Variants in ZNF618 observed in about 807,000 individuals in gnomAD.
The protein encoded by ZNF618 is neural precursor cell expressed, developmentally down-regulated 10.
A neutral mutation model predicts 103.0 loss-of-function variants in ZNF618; 34 were observed. The ratio of observed to expected loss-of-function variants is 0.33; its 90% confidence interval spans 0.25 to 0.44. The LOEUF (loss-of-function observed/expected upper bound fraction) is 0.44. Ranked by LOEUF, ZNF618 falls within the 20% of genes least tolerant of loss-of-function variation. ZNF618 has a pLI of 1.00. For synonymous variants in ZNF618, 551 were observed against 542.2 expected (o/e 1.02, Z -0.23); for missense variants, 1,059 against 1,295.4 (o/e 0.82, Z 2.80).
At chr9:113,958,669 G>A (rs950517543) in intron 1 of ZNF618, among the ~76,000 whole-genome samples, 2 of 151,878 alleles carry the variant, frequency 1.3e-5, no homozygotes, top group African/African-American at 2.4e-5. Flanking sequence ...GCTGATTCCC[G>A]TAAACACTAC....
intron 1 of ZNF618, among the ~76,000 whole-genome samples, chr9:113,956,150 A>C (rs948251906): frequency 1.4e-5 from 2 of 138,118 alleles, no homozygotes; most frequent in East Asian, 4.8e-4. Context: ...CAGAGGTTGC[A>C]GTGAGCCAAA....
rs764367587 is a variant in ZNF618, at chr9:114,050,054, G to A, written c.2752G>A (p.Ala918Thr). Residue 918 changes from alanine to threonine, a missense_variant, in exon 15 of 15, where the codon GCC (alanine) becomes ACC (threonine). Coordinates refer to ENST00000374126, the MANE Select transcript of ZNF618 (RefSeq NM_001318042.2). Reference sequence around the variant, plus strand: ...GCTCCTGGCGGTTCCGGCCGTGGGCGCCAGAAGCGGGTGTGTAAATATGTG... The same window carrying A: ...GCTCCTGGCGGTTCCGGCCGTGGGCACCAGAAGCGGGTGTGTAAATATGTG... ...FWLLAVPAVGARSGCVNMCEQ... is the reference protein window; with the variant it reads ...FWLLAVPAVGTRSGCVNMCEQ... 1.5e-5 allele frequency: 24 copies of A among 1,613,514 alleles called. No individual in the cohort carries two copies. Among genetic ancestry groups the A allele is most frequent in the South Asian group, 4.4e-5 (4 of 91,090 alleles).
chr9:114,048,596 C>A, intron 14 of ZNF618, 55 bp from the exon 15 acceptor site: 1 of 1,544,966 alleles, frequency 6.5e-7, no homozygotes, highest in Non-Finnish European at 8.8e-7. Context: ...TACTGCCACT[C>A]CAAGCAGCCT....
intron 13 of ZNF618, 58 bp from the exon 14 acceptor site, chr9:114,047,835 G>T: frequency 6.9e-7 from 1 of 1,459,522 alleles, no homozygotes; most frequent in Admixed American, 2.0e-5. Flanking sequence ...TTCTCATCTC[G>T]TTCCTCAACA....
At chr9:114,024,277 T>G (rs1021331530) in intron 10 of ZNF618, among the ~76,000 whole-genome samples, 2 of 152,220 alleles carry the variant, frequency 1.3e-5, no homozygotes, top group Admixed American at 1.3e-4. Flanking sequence ...AAGTTTCATT[T>G]GGTTTCTTTT....
intron 1 of ZNF618, among the ~76,000 whole-genome samples, chr9:113,951,431 G>GTGTGTA (rs1312734469): frequency 7.0e-5 from 1 of 14,262 alleles, no homozygotes; most frequent in African/African-American, 2.3e-4. Flanking sequence ...ATGTGTGTGT[G>GTGTGTA]TATATATATA....
At position 114,047,888 on chromosome 9, in the gene ZNF618, C is replaced by A; in HGVS notation, c.1247-5C>A. The A allele has an allele frequency of 6.3e-7, 1 of 1,593,256 alleles. No individual in the cohort carries two copies. Among genetic ancestry groups the A allele is most frequent in the South Asian group, 1.1e-5 (1 of 87,028 alleles). On this transcript the variant is annotated splice_polypyrimidine_tract_variant and splice_region_variant and intron_variant, in intron 13 of 14. Coordinates refer to ENST00000374126, the MANE Select transcript of ZNF618 (RefSeq NM_001318042.2). ...GGTAACACACTGTCCCCTTTGTGCCCACAGCTGACAATGAAAACAACATTG... is the reference window on the plus strand; with the variant it reads ...GGTAACACACTGTCCCCTTTGTGCCAACAGCTGACAATGAAAACAACATTG...
At chr9:114,036,701 G>A (rs1383408586) in intron 13 of ZNF618, among the ~76,000 whole-genome samples, 1 of 152,248 alleles carries the variant, frequency 6.6e-6, no homozygotes, top group Admixed American at 6.5e-5. Flanking sequence ...GAAGCGAAAT[G>A]TGCAGGTGGA....
chr9:114,015,140 T>G (rs1405902320), intron 9 of ZNF618, among the ~76,000 whole-genome samples: 1 of 152,204 alleles, frequency 6.6e-6, no homozygotes, highest in Non-Finnish European at 1.5e-5. Flanking sequence ...TTCCAATGTT[T>G]ATGAATCAGT....
chr9:113,929,689 C>T (rs1365047311), intron 1 of ZNF618, among the ~76,000 whole-genome samples: 1 of 152,150 alleles, frequency 6.6e-6, no homozygotes, highest in African/African-American at 2.4e-5. Context: ...GCTCTCTGGG[C>T]CTCAGTTTTC....
At chr9:114,040,855 A>T (rs1416809882) in intron 13 of ZNF618, among the ~76,000 whole-genome samples, 1 of 152,254 alleles carries the variant, frequency 6.6e-6, no homozygotes, top group East Asian at 1.9e-4. Context: ...CAGTAATGGG[A>T]TGGCTGGGTC....
intron 1 of ZNF618, among the ~76,000 whole-genome samples, chr9:113,943,888 AC>A (rs537084962): frequency 8.5e-5 from 13 of 152,066 alleles, no homozygotes; most frequent in Non-Finnish European, 1.9e-4. Context: ...ACTTTGGAGA[AC>A]TTTGCTCTTC....
At chr9:114,008,405 C>T (rs1564290597) in intron 8 of ZNF618, 26 bp downstream of exon 8, 11 of 1,614,026 alleles carry the variant, frequency 6.8e-6, no homozygotes, top group South Asian at 1.1e-5. Context: ...CTGCTTGTCA[C>T]CTCCCCTGTC....
intron 2 of ZNF618, among the ~76,000 whole-genome samples, chr9:113,976,389 G>A (rs575829253): frequency 6.6e-6 from 1 of 152,324 alleles, no homozygotes; most frequent in East Asian, 1.9e-4. Context: ...GAAGTAGGAG[G>A]ACCTGACCTA....
chr9:113,994,129 G>C (rs1026924374), intron 3 of ZNF618, among the ~76,000 whole-genome samples: 2 of 152,196 alleles, frequency 1.3e-5, no homozygotes, highest in Non-Finnish European at 2.9e-5. Context: ...CACACACATA[G>C]GGCAGCCCAG....
At chr9:113,911,530 T>G (rs1429236612) in intron 1 of ZNF618, among the ~76,000 whole-genome samples, 1 of 151,746 alleles carries the variant, frequency 6.6e-6, no homozygotes, top group Non-Finnish European at 1.5e-5. Flanking sequence ...GGTTTCACCG[T>G]GTTATCTAGG....
At chr9:114,047,834 C>T (rs372607223) in intron 13 of ZNF618, 59 bp from the exon 14 acceptor site, 375 of 1,441,942 alleles carry the variant, frequency 2.6e-4, no homozygotes, top group African/African-American at 6.5e-4. Flanking sequence ...GTTCTCATCT[C>T]GTTCCTCAAC....
At chr9:114,047,404 C>A (rs369455544) in intron 13 of ZNF618, among the ~76,000 whole-genome samples, 2 of 152,142 alleles carry the variant, frequency 1.3e-5, no homozygotes, top group East Asian at 1.9e-4. Context: ...TTGTTTTGTT[C>A]ATTTCATAAA....
At chr9:114,011,436 C>T (rs1455478349) in intron 9 of ZNF618, among the ~76,000 whole-genome samples, 1 of 152,214 alleles carries the variant, frequency 6.6e-6, no homozygotes, top group Non-Finnish European at 1.5e-5. Context: ...TGTAGAATTG[C>T]ATTGAGAATA....
Sources: allele counts gnomAD v4.1 joint callset (sites outside exome capture counted in the v4.1 genomes callset), GRCh38; gene constraint gnomAD v4.1.1; transcripts MANE v1.5; gene names NCBI Gene and HGNC (gene_info 2026-07-23, HGNC 2026-07-21).